Variants in AGMO observed in about 807,000 individuals in gnomAD.
AGMO encodes alkylglycerol monooxygenase.
Under a neutral mutation model 60.2 loss-of-function variants are expected in AGMO, and 75 were observed. The observed-to-expected ratio is 1.25, with a 90% CI of 1.03 to 1.51. AGMO has a LOEUF of 1.51. Among genes scored for constraint, AGMO ranks in the 40% most tolerant of loss-of-function variants. The probability of loss-of-function intolerance (pLI) is 0.00; values close to 1 mark genes in which losing one functional copy is unlikely to be tolerated. For synonymous variants in AGMO, 261 were observed against 177.1 expected (o/e 1.47, Z -3.76); for missense variants, 763 against 525.5 (o/e 1.45, Z -4.42).
At chr7:15,446,010 T>C (rs1781688860) in intron 3 of AGMO, among the ~76,000 whole-genome samples, 1 of 152,248 alleles carries the variant, frequency 6.6e-6, no homozygotes, top group South Asian at 2.1e-4. Flanking sequence ...TGAAAACAAG[T>C]TGTTGAAAAC....
At chr7:15,295,235 T>C (rs778298562) in intron 12 of AGMO, among the ~76,000 whole-genome samples, 15 of 152,000 alleles carry the variant, frequency 9.9e-5, no homozygotes, top group Non-Finnish European at 1.9e-4. Flanking sequence ...TAAGAAAATA[T>C]ATACTCCTTT....
intron 3 of AGMO, among the ~76,000 whole-genome samples, chr7:15,460,948 T>C (rs1443889601): frequency 6.6e-6 from 1 of 152,166 alleles, no homozygotes; most frequent in Non-Finnish European, 1.5e-5. Flanking sequence ...AATCAAGAAT[T>C]ATGTATTAGT....
At chr7:15,372,211 G>A (rs569538394) in intron 10 of AGMO, among the ~76,000 whole-genome samples, 1 of 152,148 alleles carries the variant, frequency 6.6e-6, no homozygotes, top group South Asian at 2.1e-4. Context: ...AGCACTTTAC[G>A]ACGCTGAGGT....
intron 5 of AGMO, among the ~76,000 whole-genome samples, chr7:15,397,536 G>T (rs1244542640): frequency 6.6e-6 from 1 of 152,204 alleles, no homozygotes; most frequent in Non-Finnish European, 1.5e-5. Context: ...GCTAGCAAGG[G>T]CTGCTAGCAC....
chr7:15,313,098 GAAACATAACT>G (rs1224283079), intron 12 of AGMO, among the ~76,000 whole-genome samples: 2 of 152,160 alleles, frequency 1.3e-5, no homozygotes, highest in African/African-American at 4.8e-5. Context: ...CATTCACTGT[GAAACATAACT>G]AAGATCAATG....
At chr7:15,468,704 A>G (rs1456375135) in intron 3 of AGMO, among the ~76,000 whole-genome samples, 1 of 152,104 alleles carries the variant, frequency 6.6e-6, no homozygotes, top group East Asian at 1.9e-4. Context: ...ATAAATACAT[A>G]TGTGTATATG....
At chr7:15,199,343 T>A (rs1781215290), downstream of AGMO, among the ~76,000 whole-genome samples, 1 of 152,342 alleles carries the variant, frequency 6.6e-6, no homozygotes, top group African/African-American at 2.4e-5. Flanking sequence ...GAATTCAATT[T>A]ACTCAAAGAA....
intron 5 of AGMO, among the ~76,000 whole-genome samples, chr7:15,415,836 T>A (rs1780751611): frequency 6.6e-6 from 1 of 152,010 alleles, no homozygotes; most frequent in Non-Finnish European, 1.5e-5. Context: ...CTTGCTATCT[T>A]TAGTGAATTC....
chr7:15,375,080 G>C (rs975288448), intron 10 of AGMO, among the ~76,000 whole-genome samples: 2 of 152,072 alleles, frequency 1.3e-5, no homozygotes, highest in Admixed American at 1.3e-4. Context: ...GTATTGGGTA[G>C]TAATTGGTCC....
chr7:15,148,802 T>C, the AGMO span, among the ~76,000 whole-genome samples: 66 of 152,270 alleles, frequency 4.3e-4, no homozygotes, highest in African/African-American at 1.5e-3. Context: ...TGTGTCTTTT[T>C]GGTAAAACAA....
intron 3 of AGMO, among the ~76,000 whole-genome samples, chr7:15,479,508 T>C (rs1285997774): frequency 6.6e-6 from 1 of 152,216 alleles, no homozygotes; most frequent in East Asian, 1.9e-4. Context: ...ATCACAGTTT[T>C]AGATTATGTA....
chr7:15,363,559 T>A (rs892656939), intron 12 of AGMO, among the ~76,000 whole-genome samples: 4 of 152,174 alleles, frequency 2.6e-5, no homozygotes, highest in Non-Finnish European at 5.9e-5. Flanking sequence ...AAGAATCAAA[T>A]TCAGGCAATA....
intron 3 of AGMO, among the ~76,000 whole-genome samples, chr7:15,529,610 A>ATATATATTC (rs1784229228): frequency 1.3e-4 from 2 of 15,860 alleles, no homozygotes; most frequent in African/African-American, 6.5e-4. Flanking sequence ...TATATAGAGT[A>ATATATATTC]TATATATAGA....
At chr7:15,395,486 T>C (rs903940534) in intron 5 of AGMO, among the ~76,000 whole-genome samples, 7 of 152,154 alleles carry the variant, frequency 4.6e-5, no homozygotes, top group African/African-American at 1.4e-4. Flanking sequence ...AAAAAATATT[T>C]TCATTGGGAG....
chr7:15,447,270 A>C (rs6461176), intron 3 of AGMO, among the ~76,000 whole-genome samples: 95,766 of 151,998 alleles, frequency 0.63, 30,860 homozygotes, highest in Non-Finnish European at 0.7. Flanking sequence ...TTTAGTGATC[A>C]ATTGTGTTAA....
Position 15,255,050 on chromosome 7 carries a change from C to T in AGMO, c.1264-53691G>A, listed in dbSNP as rs140533014. Among the ~76,000 whole-genome samples, 192 of 152,236 alleles carry T rather than the reference C, an allele frequency of 1.3e-3. 1 individual carries two copies. The Middle Eastern group carries it at 0.014, about 11-fold the overall frequency. On this transcript the variant is annotated intron_variant, in intron 12 of 12. Coordinates refer to ENST00000342526, the MANE Select transcript of AGMO (RefSeq NM_001004320.2). ...GCCATAAAAAAAGATGAGTTCATGT[C>T]CTTCGCAGGGACATGGATGAAGCTG...
chr7:15,353,418 G>C lies in AGMO; in HGVS notation c.1263+12096C>G, dbSNP rs556677315. ...TGTTATAACTCACTCAAAATTCCTA[G>C]GCTTATGATGTTAAACTAAATTCAA... On this transcript the variant is annotated intron_variant, in intron 12 of 12. Transcript: ENST00000342526. 2.8e-4 allele frequency among the ~76,000 whole-genome samples: 42 copies of C among 152,074 alleles called. 1 individual carries two copies. The South Asian group carries it at 7.5e-3, about 27-fold the overall frequency.
At chr7:15,511,973 G>T (rs994065796) in intron 3 of AGMO, among the ~76,000 whole-genome samples, 5 of 150,416 alleles carry the variant, frequency 3.3e-5, no homozygotes, top group African/African-American at 7.3e-5. Flanking sequence ...CAGAATCATG[G>T]GGAAATACAT....
intron 5 of AGMO, among the ~76,000 whole-genome samples, chr7:15,406,559 TACACACAC>T (rs201255638): frequency 4.4e-4 from 29 of 65,950 alleles, no homozygotes; most frequent in Non-Finnish European, 5.7e-4. Context: ...TTGTTTGGAA[TACACACAC>T]ACACACACAC....
Sources: gnomAD v4.1 joint callset for allele counts (sites outside exome capture counted in the v4.1 genomes callset) on GRCh38, gnomAD v4.1.1 for gene constraint, MANE v1.5 for transcripts, NCBI Gene and HGNC (gene_info 2026-07-23, HGNC 2026-07-21) for gene names.